Variants in SGCZ observed in about 807,000 individuals in gnomAD.
SGCZ encodes the protein sarcoglycan zeta.
Under a neutral mutation model 41.3 loss-of-function variants are expected in SGCZ, and 40 were observed. That is an observed-to-expected ratio of 0.97 (90% CI 0.75 to 1.26). SGCZ has a LOEUF of 1.26. Among genes scored for constraint, SGCZ ranks in the 50% most tolerant of loss-of-function variants. The probability of loss-of-function intolerance (pLI) is 0.00; values close to 1 mark genes in which losing one functional copy is unlikely to be tolerated. For missense variants in SGCZ, 552 were observed against 369.8 expected, an observed-to-expected ratio of 1.49 and a Z score of -4.04; for synonymous variants, 206 against 137.5, an observed-to-expected ratio of 1.50 and a Z score of -3.49.
chr8:15,215,082 C>T (rs922349548), intron 1 of SGCZ, among the ~76,000 whole-genome samples: 1 of 152,096 alleles, frequency 6.6e-6, no homozygotes, highest in African/African-American at 2.4e-5. Context: ...CTCTTTTCAA[C>T]TTTAAGTAAT....
At chr8:14,775,679 T>G (rs997037829) in intron 1 of SGCZ, among the ~76,000 whole-genome samples, 6 of 152,192 alleles carry the variant, frequency 3.9e-5, no homozygotes, top group African/African-American at 1.2e-4. Flanking sequence ...GTGGTTTGGA[T>G]TTAATTATAT....
At chr8:14,501,060 A>C (rs1305751972) in intron 2 of SGCZ, among the ~76,000 whole-genome samples, 2 of 152,032 alleles carry the variant, frequency 1.3e-5, no homozygotes, top group African/African-American at 4.8e-5. Context: ...GGTCAAAATC[A>C]AGCTGTTAGT....
chr8:15,170,404 T>A (rs1563163778), intron 1 of SGCZ, among the ~76,000 whole-genome samples: 1 of 152,206 alleles, frequency 6.6e-6, no homozygotes, highest in African/African-American at 2.4e-5. Flanking sequence ...CAGCCTTGAA[T>A]AAATCACATC....
rs530681483 is a variant in SGCZ, at chr8:14,119,358, C to CTGTT, written c.548-11127_548-11124dup. ...GGGAGTTGACTCATGATTTGGCTCTCTGTTTGTCTATTATTGGTGTTAGGA... is the reference window on the plus strand; with the variant it reads ...GGGAGTTGACTCATGATTTGGCTCTCTGTTTGTTTGTCTATTATTGGTGTTAGGA... On this transcript the variant is annotated intron_variant, in intron 5 of 7. Transcript: ENST00000382080. Among the ~76,000 whole-genome samples, 13 of 150,386 alleles carry CTGTT rather than the reference C, an allele frequency of 8.6e-5. No individual in the cohort carries two copies. In the East Asian group the frequency reaches 2.3e-3, roughly 27 times the overall value.
At chr8:15,156,944 C>CAA (rs1204736250) in intron 1 of SGCZ, among the ~76,000 whole-genome samples, 1,600 of 89,862 alleles carry the variant, frequency 0.018, 33 homozygotes, top group African/African-American at 0.063. Context: ...AACTCTGTCT[C>CAA]AAAAAAAAAA....
intron 1 of SGCZ, among the ~76,000 whole-genome samples, chr8:14,770,639 G>A (rs1452437964): frequency 6.6e-6 from 1 of 152,076 alleles, no homozygotes; most frequent in Admixed American, 6.6e-5. Flanking sequence ...TGTGTGCACA[G>A]ATGTCCATTA....
chr8:14,714,412 A>G (rs1473836442), intron 1 of SGCZ, among the ~76,000 whole-genome samples: 2 of 152,234 alleles, frequency 1.3e-5, no homozygotes, highest in Non-Finnish European at 2.9e-5. Flanking sequence ...ATGATTTAAT[A>G]ACATGATTTA....
intron 1 of SGCZ, among the ~76,000 whole-genome samples, chr8:14,716,013 A>G (rs1809677349): frequency 6.6e-6 from 1 of 152,152 alleles, no homozygotes; most frequent in African/African-American, 2.4e-5. Flanking sequence ...TCAAAAGCCA[A>G]ATTAATAAAA....
chr8:14,321,317 AAG>A (rs1355022696), intron 3 of SGCZ, among the ~76,000 whole-genome samples: 1 of 152,042 alleles, frequency 6.6e-6, no homozygotes, highest in Non-Finnish European at 1.5e-5. Flanking sequence ...AACTTTTGAA[AAG>A]CCTGAAGAAG....
intron 2 of SGCZ, among the ~76,000 whole-genome samples, chr8:14,457,098 C>A (rs1198303457): frequency 6.6e-6 from 1 of 152,170 alleles, no homozygotes; most frequent in Non-Finnish European, 1.5e-5. Flanking sequence ...AATAGTTATA[C>A]CAGATATACC....
chr8:15,007,675 C>T (rs889444281), intron 1 of SGCZ, among the ~76,000 whole-genome samples: 3 of 152,032 alleles, frequency 2.0e-5, no homozygotes, highest in Non-Finnish European at 4.4e-5. Flanking sequence ...AAAAAGAACG[C>T]ATTTAAATAA....
intron 2 of SGCZ, among the ~76,000 whole-genome samples, chr8:14,434,285 G>C (rs1800025669): frequency 6.6e-6 from 1 of 152,118 alleles, no homozygotes; most frequent in East Asian, 1.9e-4. Context: ...GTAAGCATTT[G>C]GGTTTATTTC....
At chr8:15,235,499 T>G (rs1030407925) in intron 1 of SGCZ, among the ~76,000 whole-genome samples, 1 of 152,168 alleles carries the variant, frequency 6.6e-6, no homozygotes, top group Admixed American at 6.5e-5. Context: ...TACCCCCTCA[T>G]GCCCAAACCT....
chr8:14,327,420 C>A (rs1802160675), intron 2 of SGCZ, among the ~76,000 whole-genome samples: 1 of 152,170 alleles, frequency 6.6e-6, no homozygotes, highest in African/African-American at 2.4e-5. Context: ...CATATATATT[C>A]TTAAATGCCT....
At position 14,497,128 on chromosome 8, in the gene SGCZ, G is replaced by A. The variant is rs535388106; in HGVS notation, c.234+57604C>T. Reference sequence around the variant, plus strand: ...TACGCGTCACAATCTGTCAGGGGTTGTGTTAGTCCATTTATATTGCTATGA... The same window carrying A: ...TACGCGTCACAATCTGTCAGGGGTTATGTTAGTCCATTTATATTGCTATGA... On this transcript the variant is annotated intron_variant, in intron 2 of 7. Coordinates refer to ENST00000382080, the MANE Select transcript of SGCZ (RefSeq NM_139167.4). 3.3e-5 allele frequency among the ~76,000 whole-genome samples: 5 copies of A among 152,270 alleles called. No individual in the cohort carries two copies. In the East Asian group the frequency reaches 9.7e-4, roughly 29 times the overall value.
intron 1 of SGCZ, among the ~76,000 whole-genome samples, chr8:15,194,339 C>G (rs532615497): frequency 6.6e-6 from 1 of 152,066 alleles, no homozygotes; most frequent in Non-Finnish European, 1.5e-5. Flanking sequence ...CACCAAAACC[C>G]TATATTAAAG....
intron 1 of SGCZ, among the ~76,000 whole-genome samples, chr8:14,738,234 C>T (rs1799104560): frequency 6.6e-6 from 1 of 152,010 alleles, no homozygotes; most frequent in African/African-American, 2.4e-5. Context: ...AAGGGGGAAT[C>T]ATCTTATCTA....
chr8:14,787,973 A>G (rs1800825409), intron 1 of SGCZ, among the ~76,000 whole-genome samples: 1 of 152,180 alleles, frequency 6.6e-6, no homozygotes, highest in Non-Finnish European at 1.5e-5. Flanking sequence ...AAAATATATT[A>G]AATATATCAG....
At chr8:14,854,021 TTATA>T (rs10604213) in intron 1 of SGCZ, among the ~76,000 whole-genome samples, 10,204 of 107,596 alleles carry the variant, frequency 0.095, 527 homozygotes, top group African/African-American at 0.12. Flanking sequence ...TGTGATTATA[TTATA>T]TATATATATA....
Sources: gnomAD v4.1 joint callset for allele counts (sites outside exome capture counted in the v4.1 genomes callset) on GRCh38, gnomAD v4.1.1 for gene constraint, MANE v1.5 for transcripts, NCBI Gene and HGNC (gene_info 2026-07-23, HGNC 2026-07-21) for gene names.